CAP1: variants seen among roughly 807,000 people sequenced by gnomAD.
The protein encoded by CAP1 is adenylyl cyclase-associated protein 1.
A neutral mutation model predicts 58.2 loss-of-function variants in CAP1; 11 were observed. The ratio of observed to expected loss-of-function variants is 0.19; its 90% CI spans 0.12 to 0.31. The LOEUF (loss-of-function observed/expected upper bound fraction) is 0.31. CAP1 is among the 10% of genes least tolerant of loss of function. The pLI, the probability that CAP1 is intolerant of heterozygous loss-of-function variation, is 1.00. For missense variants in CAP1, 423 were observed against 587.5 expected (o/e 0.72, Z 2.89); for synonymous variants, 183 against 213.8 (o/e 0.86, Z 1.26).
chr1:40,070,548 GA>G (rs1340506511), intron 11 of CAP1, 36 bp downstream of exon 11: 1 of 1,497,504 alleles, frequency 6.7e-7, no homozygotes, highest in East Asian at 2.3e-5. Context: ...TTTTGTCCCT[GA>G]GGAATTAATT....
At chr1:40,053,303 A>G (rs1646464349) in intron 1 of CAP1, among the ~76,000 whole-genome samples, 1 of 152,220 alleles carries the variant, frequency 6.6e-6, no homozygotes, top group Non-Finnish European at 1.5e-5. Context: ...GTGCTGTGCA[A>G]ACAAGTTGGG....
chr1:40,067,420 A>G (rs1647135758), intron 7 of CAP1, 120 bp from the exon 8 acceptor site: 2 of 801,788 alleles, frequency 2.5e-6, no homozygotes, highest in East Asian at 2.9e-5. Flanking sequence ...GGACACATTA[A>G]TCATTGCCTC....
intron 1 of CAP1, among the ~76,000 whole-genome samples, chr1:40,051,647 C>G (rs1646374510): frequency 6.6e-6 from 1 of 152,160 alleles, no homozygotes; most frequent in African/African-American, 2.4e-5. Flanking sequence ...GCGATCTTGG[C>G]TCACCGCAAG....
chr1:40,040,738 G>A lies in CAP1; in HGVS notation c.-74G>A, dbSNP rs752150100. ...GGAAGTGGGTCGCGCGGAGATTGCT[G>A]GGCGGTTCTTGCCGGAAGCGGAGAG... On this transcript the variant is annotated 5_prime_UTR_variant, in exon 1 of 13. Coordinates refer to ENST00000372805, the MANE Select transcript of CAP1 (RefSeq NM_006367.4). 1 of 153,006 alleles carries A rather than the reference G, an allele frequency of 6.5e-6. No individual in the cohort carries two copies. Among genetic ancestry groups the A allele is most frequent in the Non-Finnish European group, 1.5e-5 (1 of 68,300 alleles). 9.5% of individuals were successfully genotyped at this position (153,006 alleles called of 1,614,324 possible).
chr1:40,041,902 C>T (rs955248715), intron 1 of CAP1, among the ~76,000 whole-genome samples: 1 of 152,060 alleles, frequency 6.6e-6, no homozygotes, highest in Non-Finnish European at 1.5e-5. Flanking sequence ...GGAATGCGTT[C>T]GAAGAGTGGA....
chr1:40,064,680 A>C, intron 6 of CAP1, 121 bp downstream of exon 6: 1 of 739,564 alleles, frequency 1.4e-6, no homozygotes, highest in Non-Finnish European at 2.4e-6. Flanking sequence ...AGCTCAAACA[A>C]TCCTCCCACC....
At chr1:40,057,061 T>C (rs1646649041) in intron 1 of CAP1, among the ~76,000 whole-genome samples, 1 of 152,172 alleles carries the variant, frequency 6.6e-6, no homozygotes, top group Non-Finnish European at 1.5e-5. Flanking sequence ...AAATGAAATA[T>C]GGAAAAAGGG....
chr1:40,066,594 C>T (rs767524881), intron 7 of CAP1, among the ~76,000 whole-genome samples: 8 of 152,204 alleles, frequency 5.3e-5, no homozygotes, highest in Non-Finnish European at 1.2e-4. Context: ...AAATGAGTTA[C>T]ACTATCCCAG....
At chr1:40,054,951 C>T (rs549284300) in intron 1 of CAP1, among the ~76,000 whole-genome samples, 11 of 152,246 alleles carry the variant, frequency 7.2e-5, no homozygotes, top group African/African-American at 1.4e-4. Flanking sequence ...CCACCATGCC[C>T]GGCCAAATAA....
Position 40,066,302 on chromosome 1 carries a change from A to T in CAP1, c.612A>T (p.Gly204=). 1 of 1,601,172 alleles carries T rather than the reference A, an allele frequency of 6.2e-7. No homozygotes were observed. The highest frequency in any genetic ancestry group is 8.6e-7 in the Non-Finnish European group (1 of 1,168,334). The change falls in exon 7 of 13, where the codon GGA becomes GGT. Residue 204 remains glycine, a synonymous_variant. Transcript: ENST00000372805. ...ACATTAAGGAGTTCCATACCACCGG[A>T]CTGGCCTGGAGCAAAACGGTTAGTG... ...QAYIKEFHTT[G]LAWSKTGPVA...
chr1:40,070,589 G>T, intron 11 of CAP1, 77 bp downstream of exon 11: 1 of 1,200,364 alleles, frequency 8.3e-7, no homozygotes, highest in Non-Finnish European at 1.2e-6. Flanking sequence ...CACAGATGTT[G>T]CTTTGGTGGG....
Position 40,064,579 on chromosome 1 carries a change from T to TC in CAP1, c.524+21dup, listed in dbSNP as rs761695181. 7 of 1,578,498 alleles carry TC rather than the reference T, an allele frequency of 4.4e-6. No individual in the cohort carries two copies. The highest frequency in any genetic ancestry group is 3.3e-5 in the Admixed American group (2 of 59,960). On this transcript the variant is annotated intron_variant, in intron 6 of 12. Transcript: ENST00000372805. ...AGATGTGTAAGTTCAGCCTTTTCTC[T>TC]CTTTTTTTCTTTTCTGAGACAGTGT...
rs1305304372 is a variant in CAP1, at chr1:40,055,115, A to T, written c.-10-4222A>T. Among the ~76,000 whole-genome samples the T allele has an allele frequency of 3.3e-5, 5 of 152,250 alleles. No individual in the cohort carries two copies. The East Asian group carries it at 9.6e-4, about 29-fold the overall frequency. ...GAGGGGCAGATGGGAAAGGGAAAAC[A>T]TCTAAGCAGAGTGGATAGCATTATA... On this transcript the variant is annotated intron_variant, in intron 1 of 12. Coordinates refer to ENST00000372805, the MANE Select transcript of CAP1 (RefSeq NM_006367.4).
intron 1 of CAP1, among the ~76,000 whole-genome samples, chr1:40,043,267 G>A (rs566020731): frequency 9.2e-5 from 14 of 152,142 alleles, no homozygotes; most frequent in African/African-American, 3.4e-4. Context: ...GCACAATCTC[G>A]GGTCACTGAA....
At chr1:40,070,343 T>C in intron 10 of CAP1, 61 bp downstream of exon 10, 1 of 1,610,862 alleles carries the variant, frequency 6.2e-7, no homozygotes, top group South Asian at 1.1e-5. Context: ...GCTAATACCA[T>C]TTTACCTACC....
Position 40,072,055 on chromosome 1 carries a change from C to G in CAP1, c.*522C>G, listed in dbSNP as rs1238103005. On this transcript the variant is annotated 3_prime_UTR_variant, in exon 13 of 13. Transcript: ENST00000372805. ...GGCTGAGGCTTGGCCATCTAGCATT[C>G]CATACAAAATTGTTTCCTATAAGCA... 1 of 403,328 alleles carries G rather than the reference C, an allele frequency of 2.5e-6. No homozygotes were observed. The highest frequency in any genetic ancestry group is 3.5e-5 in the East Asian group (1 of 28,174). 25.0% of individuals were successfully genotyped at this position (403,328 alleles called of 1,614,324 possible).
intron 1 of CAP1, among the ~76,000 whole-genome samples, chr1:40,045,845 G>A (rs984232800): frequency 1.3e-5 from 2 of 151,914 alleles, no homozygotes; most frequent in Non-Finnish European, 2.9e-5. Flanking sequence ...GCCACCATGC[G>A]CTCGGCCAAA....
chr1:40,064,178 C>G (rs373122707), intron 4 of CAP1, 49 bp from the exon 5 acceptor site: 5 of 1,595,006 alleles, frequency 3.1e-6, no homozygotes, highest in Non-Finnish European at 4.3e-6. Context: ...GGCATAGACA[C>G]CTTTGTGGAA....
chr1:40,065,982 GAGAGAT>G (rs970218019), intron 6 of CAP1, among the ~76,000 whole-genome samples: 2 of 152,208 alleles, frequency 1.3e-5, no homozygotes, highest in Non-Finnish European at 2.9e-5. Context: ...ACATTGCTAT[GAGAGAT>G]AGAGATAGAA....
Sources: allele counts gnomAD v4.1 joint callset (sites outside exome capture counted in the v4.1 genomes callset), GRCh38; gene constraint gnomAD v4.1.1; transcripts MANE v1.5; gene names NCBI Gene and HGNC (gene_info 2026-07-23, HGNC 2026-07-21).